HS6ST3: variants seen among roughly 807,000 people sequenced by gnomAD.
HS6ST3 encodes the protein heparan-sulfate 6-O-sulfotransferase 3.
A neutral mutation model predicts 36.7 loss-of-function variants in HS6ST3; 12 were observed. That is an observed-to-expected ratio of 0.33 (90% CI 0.21 to 0.53). HS6ST3 has a LOEUF of 0.53. Ranked by LOEUF, HS6ST3 falls within the 20% of genes least tolerant of loss-of-function variation. HS6ST3 has a pLI of 0.95. For synonymous variants in HS6ST3, 240 were observed against 257.5 expected (o/e 0.93, Z 0.65); for missense variants, 584 against 640.9 (o/e 0.91, Z 0.96).
intron 1 of HS6ST3, chr13:96,573,605 A>G: frequency 4.7e-6 from 1 of 212,684 alleles, no homozygotes; most frequent in South Asian, 6.5e-5. Context: ...GCAGAATTCT[A>G]GAACTCGAGC....
chr13:96,487,078 A>C (rs982855201), intron 1 of HS6ST3, among the ~76,000 whole-genome samples: 1 of 152,114 alleles, frequency 6.6e-6, no homozygotes, highest in African/African-American at 2.4e-5. Context: ...ATCAAAGACC[A>C]TTTATATTTG....
intron 1 of HS6ST3, among the ~76,000 whole-genome samples, chr13:96,206,629 G>A (rs1212613698): frequency 6.6e-6 from 1 of 152,152 alleles, no homozygotes; most frequent in Non-Finnish European, 1.5e-5. Context: ...CAATGGAAGA[G>A]AATAGATAAC....
intron 1 of HS6ST3, among the ~76,000 whole-genome samples, chr13:96,401,570 A>G (rs111935763): frequency 2.2e-4 from 34 of 152,196 alleles, no homozygotes; most frequent in African/African-American, 7.9e-4. Context: ...AATACTTTAT[A>G]AGGACTGTTA....
chr13:96,454,069 C>A (rs1239702967), intron 1 of HS6ST3, among the ~76,000 whole-genome samples: 1 of 152,132 alleles, frequency 6.6e-6, no homozygotes, highest in Non-Finnish European at 1.5e-5. Context: ...CTCCCCCACC[C>A]CTAGCTTACC....
At chr13:96,734,766 A>C (rs1037673264) in intron 1 of HS6ST3, among the ~76,000 whole-genome samples, 1 of 152,214 alleles carries the variant, frequency 6.6e-6, no homozygotes, top group Non-Finnish European at 1.5e-5. Flanking sequence ...AGCAGCATTA[A>C]CGCAGAGTGA....
chr13:96,104,994 A>G (rs1594677462), intron 1 of HS6ST3, among the ~76,000 whole-genome samples: 1 of 151,912 alleles, frequency 6.6e-6, no homozygotes, highest in South Asian at 2.1e-4. Context: ...AAAGGACACA[A>G]TAATGTACAG....
chr13:96,429,691 T>G (rs1357485120), intron 1 of HS6ST3, among the ~76,000 whole-genome samples: 1 of 152,196 alleles, frequency 6.6e-6, no homozygotes, highest in Non-Finnish European at 1.5e-5. Context: ...GACTTTACAT[T>G]TCCTAACACA....
chr13:96,538,604 C>T (rs551586188), intron 1 of HS6ST3, among the ~76,000 whole-genome samples: 8 of 152,228 alleles, frequency 5.3e-5, no homozygotes, highest in Non-Finnish European at 8.8e-5. Context: ...CCACCATGCC[C>T]GGCTAATTTT....
intron 1 of HS6ST3, among the ~76,000 whole-genome samples, chr13:96,820,767 T>C (rs1354012931): frequency 1.3e-5 from 2 of 152,260 alleles, no homozygotes; most frequent in Non-Finnish European, 2.9e-5. Context: ...ACTCATGCTT[T>C]GTCCAAATGA....
intron 1 of HS6ST3, among the ~76,000 whole-genome samples, chr13:96,632,442 G>A (rs920629649): frequency 2.0e-5 from 3 of 151,962 alleles, no homozygotes; most frequent in South Asian, 2.1e-4. Context: ...ATATCAACTC[G>A]TGAACAGTTG....
At chr13:96,665,633 C>T (rs1234557407) in intron 1 of HS6ST3, among the ~76,000 whole-genome samples, 2 of 152,044 alleles carry the variant, frequency 1.3e-5, no homozygotes, top group Admixed American at 1.3e-4. Context: ...TTTCTTGAAG[C>T]TAAACCTATG....
intron 1 of HS6ST3, among the ~76,000 whole-genome samples, chr13:96,497,645 G>A (rs2055984117): frequency 6.6e-6 from 1 of 152,060 alleles, no homozygotes; most frequent in Non-Finnish European, 1.5e-5. Flanking sequence ...AAATCTGATT[G>A]TATCAGTCAT....
rs145618425 is a variant in HS6ST3 at position 96,768,368 on chromosome 13, TGATTTGGG to T, written c.708-64120_708-64113del. 6.3e-3 allele frequency among the ~76,000 whole-genome samples: 964 copies of T among 152,276 alleles called. 6 individuals are homozygous for T. The highest frequency in any genetic ancestry group is 0.021 in the African/African-American group (864 of 41,560). On this transcript the variant is annotated intron_variant, in intron 1 of 1. Transcript: ENST00000376705. ...CGTGCAGAAAAGTAATTGCCGACAG[TGATTTGGG>T]GCCTGCATTTTGCAGGCAGTACATT...
At chr13:96,111,542 GA>G (rs768351958) in intron 1 of HS6ST3, among the ~76,000 whole-genome samples, 4 of 151,438 alleles carry the variant, frequency 2.6e-5, no homozygotes, top group African/African-American at 9.7e-5. Flanking sequence ...GTTTGTCTCA[GA>G]AAAAAAAATT....
chr13:96,651,064 T>C (rs1360294741), intron 1 of HS6ST3, among the ~76,000 whole-genome samples: 3 of 152,088 alleles, frequency 2.0e-5, no homozygotes, highest in Non-Finnish European at 1.5e-5. Context: ...TATTGGCTAC[T>C]GGAAAAAGTC....
At chr13:96,744,576 T>C (rs1489769786) in intron 1 of HS6ST3, among the ~76,000 whole-genome samples, 1 of 152,120 alleles carries the variant, frequency 6.6e-6, no homozygotes, top group Non-Finnish European at 1.5e-5. Context: ...TATGAATAAC[T>C]GTTTGACATT....
At chr13:96,607,709 A>C (rs571843506) in intron 1 of HS6ST3, among the ~76,000 whole-genome samples, 2 of 152,308 alleles carry the variant, frequency 1.3e-5, no homozygotes, top group East Asian at 1.9e-4. Flanking sequence ...TATTGTGTAT[A>C]TAATATGGAA....
At chr13:96,548,550 A>T (rs1270273520) in intron 1 of HS6ST3, among the ~76,000 whole-genome samples, 2 of 152,148 alleles carry the variant, frequency 1.3e-5, no homozygotes, top group Non-Finnish European at 2.9e-5. Context: ...GGAGGTATGG[A>T]CTCAAGTGCA....
intron 1 of HS6ST3, among the ~76,000 whole-genome samples, chr13:96,175,694 CAAAAA>C (rs4001570): frequency 3.6e-5 from 5 of 140,844 alleles, no homozygotes; most frequent in Admixed American, 7.1e-5. Context: ...GTGAATTTGG[CAAAAA>C]AAAAAAAAAA....
Sources: allele counts gnomAD v4.1 joint callset (sites outside exome capture counted in the v4.1 genomes callset), GRCh38; gene constraint gnomAD v4.1.1; transcripts MANE v1.5; gene names NCBI Gene and HGNC (gene_info 2026-07-23, HGNC 2026-07-21).